ABCB5: variants seen among roughly 807,000 people sequenced by gnomAD.
ABCB5 encodes the protein ATP-binding cassette sub-family B member 5.
A neutral mutation model predicts 144.2 loss-of-function variants in ABCB5; 155 were observed. The ratio of observed to expected loss-of-function variants is 1.08; its 90% CI spans 0.94 to 1.23. The LOEUF is 1.23. ABCB5 is among the 50% of genes most tolerant of loss of function. The pLI, the probability that ABCB5 is intolerant of heterozygous loss-of-function variation, is 0.00. For synonymous variants in ABCB5, 610 were observed against 528.6 expected (o/e 1.15, Z -2.11); for missense variants, 1,830 against 1,520.8 (o/e 1.20, Z -3.38).
intron 20 of ABCB5, among the ~76,000 whole-genome samples, chr7:20,721,638 G>T (rs976104364): frequency 2.6e-5 from 4 of 152,132 alleles, no homozygotes; most frequent in African/African-American, 9.7e-5. Context: ...CACTGAGTCA[G>T]ACAGCATGGG....
At chr7:20,711,810 T>TCTCTCTC (rs1787058705) in intron 20 of ABCB5, among the ~76,000 whole-genome samples, 1 of 46,752 alleles carries the variant, frequency 2.1e-5, no homozygotes, top group Non-Finnish European at 3.3e-5. Context: ...CTTTCTTTCT[T>TCTCTCTC]TCTTTCTTTC....
chr7:20,742,557 C>G (rs368481929), intron 24 of ABCB5, among the ~76,000 whole-genome samples: 1 of 152,116 alleles, frequency 6.6e-6, no homozygotes, highest in South Asian at 2.1e-4. Flanking sequence ...AAAAGAAAAA[C>G]GTATTACCCA....
chr7:20,665,623 G>A (rs59088839), intron 14 of ABCB5, among the ~76,000 whole-genome samples: 5,966 of 151,992 alleles, frequency 0.039, 434 homozygotes, highest in African/African-American at 0.14. Context: ...ACTGAGAGAG[G>A]TGGGGAAGTG....
chr7:20,689,589 G>C (rs570556213), intron 16 of ABCB5, among the ~76,000 whole-genome samples: 20 of 152,246 alleles, frequency 1.3e-4, no homozygotes, highest in African/African-American at 4.8e-4. Flanking sequence ...CCAAGAGCTA[G>C]AGAAAGCACC....
Position 20,755,527 on chromosome 7 carries a change from T to C in ABCB5, c.3677T>C (p.Leu1226Pro), listed in dbSNP as rs779641164. The stretch of plus-strand genomic sequence containing the variant: ...CAGAACGCAGATTTGATAGTGGTTC[T>C]GCACAATGGAAAGATAAAGGAACAA... ...AIQNADLIVVLHNGKIKEQGT... is the reference protein window; with the variant it reads ...AIQNADLIVVPHNGKIKEQGT... The change falls in exon 28 of 28, where the codon CTG (leucine) becomes CCG (proline). Residue 1226 changes from leucine to proline, a missense_variant. Coordinates refer to ENST00000404938, the MANE Select transcript of ABCB5 (RefSeq NM_001163941.2). 6.2e-7 allele frequency: 1 copy of C among 1,614,212 alleles called. No individual in the cohort carries two copies. The highest frequency in any genetic ancestry group is 8.5e-7 in the Non-Finnish European group (1 of 1,180,040).
chr7:20,709,097 GT>G (rs754093510), intron 20 of ABCB5, among the ~76,000 whole-genome samples: 3 of 152,292 alleles, frequency 2.0e-5, no homozygotes, highest in Admixed American at 2.0e-4. Context: ...GACTGTGGAT[GT>G]TACTCTCAAC....
At chr7:20,625,928 T>C (rs1447015371) in intron 2 of ABCB5, among the ~76,000 whole-genome samples, 2 of 152,174 alleles carry the variant, frequency 1.3e-5, no homozygotes, top group African/African-American at 2.4e-5. Context: ...CAAAAACATA[T>C]AATGGAATAC....
chr7:20,657,081 G>T (rs1784828275), intron 13 of ABCB5, among the ~76,000 whole-genome samples: 1 of 151,528 alleles, frequency 6.6e-6, no homozygotes, highest in African/African-American at 2.4e-5. Context: ...GCTAATTTTT[G>T]TATTTTTTGT....
At chr7:20,708,584 GAGTGGT>G (rs1786902557) in intron 20 of ABCB5, among the ~76,000 whole-genome samples, 1 of 152,140 alleles carries the variant, frequency 6.6e-6, no homozygotes, top group African/African-American at 2.4e-5. Flanking sequence ...TCAAACTGCT[GAGTGGT>G]AAGGTAAGTC....
At chr7:20,658,279 T>G (rs1007804654) in intron 13 of ABCB5, among the ~76,000 whole-genome samples, 1 of 152,096 alleles carries the variant, frequency 6.6e-6, no homozygotes, top group South Asian at 2.1e-4. Flanking sequence ...AGGTCTAATT[T>G]ATTTTAGTCC....
chr7:20,714,442 G>C (rs945335858), intron 20 of ABCB5, among the ~76,000 whole-genome samples: 1 of 151,862 alleles, frequency 6.6e-6, no homozygotes, highest in Non-Finnish European at 1.5e-5. Flanking sequence ...TCTTTCCAGA[G>C]GTACACTATT....
intron 4 of ABCB5, 95 bp from the exon 5 acceptor site, chr7:20,631,964 A>G (rs1324196548): frequency 3.2e-6 from 2 of 630,560 alleles, no homozygotes; most frequent in Non-Finnish European, 5.2e-6. Flanking sequence ...TGTTGTCTTA[A>G]GAGTGCACTA....
At chr7:20,713,362 A>G (rs1300973644) in intron 20 of ABCB5, among the ~76,000 whole-genome samples, 1 of 148,850 alleles carries the variant, frequency 6.7e-6, no homozygotes, top group East Asian at 2.0e-4. Context: ...TCAGCTTTCC[A>G]TGCAGCTGAA....
rs1785236855 is a variant in ABCB5 at position 20,667,445 on chromosome 7, T to TA, written c.1707+8770dup. ...ATACATGGAATTCTCAGACCTTTTC[T>TA]AGTTGCAACCTTTTAATTGTTTGAC... On this transcript the variant is annotated intron_variant, in intron 14 of 27. Transcript: ENST00000404938. 8 of 985,446 alleles carry TA rather than the reference T, an allele frequency of 8.1e-6. No homozygotes were observed. The South Asian group carries it at 3.3e-4, about 40-fold the overall frequency. The allele number at this position is 985,446 out of a possible 1,614,324, so 61.0% of individuals were successfully genotyped here. A position where few individuals can be genotyped will look rare whatever the true frequency, so the allele number is the denominator to read the frequency against.
At chr7:20,707,294 T>C (rs896200890) in intron 20 of ABCB5, among the ~76,000 whole-genome samples, 4 of 152,208 alleles carry the variant, frequency 2.6e-5, no homozygotes. Context: ...TTTTAAAGCT[T>C]TGATATTTTT....
chr7:20,690,356 T>C (rs1583428386), intron 16 of ABCB5, among the ~76,000 whole-genome samples: 1 of 152,338 alleles, frequency 6.6e-6, no homozygotes, highest in African/African-American at 2.4e-5. Flanking sequence ...GTATCACAAC[T>C]TTAGGTTACT....
chr7:20,703,825 T>G (rs1363281345), intron 19 of ABCB5, among the ~76,000 whole-genome samples: 2 of 152,150 alleles, frequency 1.3e-5, no homozygotes, highest in Non-Finnish European at 2.9e-5. Context: ...ACATTATACT[T>G]TTATTGCTTG....
At chr7:20,626,641 A>T in intron 3 of ABCB5, 30 bp downstream of exon 3, 1 of 1,571,890 alleles carries the variant, frequency 6.4e-7, no homozygotes, top group Non-Finnish European at 8.6e-7. Context: ...AAGTACATGC[A>T]TTAGAAGATT....
chr7:20,743,165 T>A (rs549849863), intron 25 of ABCB5, 91 bp downstream of exon 25: 58 of 1,386,054 alleles, frequency 4.2e-5, no homozygotes, highest in Non-Finnish European at 5.8e-5. Context: ...CTGGTTTGGG[T>A]GGGGCAAACA....
Sources: allele counts gnomAD v4.1 joint callset (sites outside exome capture counted in the v4.1 genomes callset), GRCh38; gene constraint gnomAD v4.1.1; transcripts MANE v1.5; gene names NCBI Gene and HGNC (gene_info 2026-07-23, HGNC 2026-07-21).